ENPP1: variants seen among roughly 807,000 people sequenced by gnomAD.
ENPP1 encodes ectonucleotide pyrophosphatase/phosphodiesterase 1.
Under a neutral mutation model 122.8 loss-of-function variants are expected in ENPP1, and 73 were observed. That is an observed-to-expected ratio of 0.59 (90% CI 0.49 to 0.72). ENPP1 has a LOEUF of 0.72. ENPP1 is among the 30% of genes least tolerant of loss of function. The pLI is 0.00. For synonymous variants in ENPP1, 367 were observed against 391.6 expected, an observed-to-expected ratio of 0.94 and a Z score of 0.74; for missense variants, 978 against 1,128.1, an observed-to-expected ratio of 0.87 and a Z score of 1.91.
intron 11 of ENPP1, among the ~76,000 whole-genome samples, chr6:131,867,596 A>G (rs931520059): frequency 3.9e-5 from 6 of 152,212 alleles, no homozygotes; most frequent in African/African-American, 9.6e-5. Flanking sequence ...GAAGAAATGA[A>G]TTGTGGAAAA....
At position 131,872,220 on chromosome 6, in the gene ENPP1, C is replaced by A. The variant is rs938258010; in HGVS notation, c.1437+119C>A. ...GATTAGAATATTTTAGTAATCTGGG[C>A]CAACATGGAAATGCTGTGTAGTTTA... On this transcript the variant is annotated intron_variant, in intron 14 of 24. Coordinates refer to ENST00000647893, the MANE Select transcript of ENPP1 (RefSeq NM_006208.3). 8.0e-6 allele frequency: 6 copies of A among 746,378 alleles called. No homozygotes were observed. In the African/African-American group the frequency reaches 8.8e-5, roughly 11 times the overall value. 46.2% of individuals were successfully genotyped at this position (746,378 alleles called of 1,614,324 possible).
chr6:131,874,615 A>T (rs1267862270), intron 16 of ENPP1, among the ~76,000 whole-genome samples: 2 of 152,152 alleles, frequency 1.3e-5, no homozygotes, highest in Non-Finnish European at 2.9e-5. Flanking sequence ...TACAACCTCT[A>T]TGGATCACTG....
intron 1 of ENPP1, among the ~76,000 whole-genome samples, chr6:131,834,751 G>A (rs1229756243): frequency 1.3e-5 from 2 of 151,766 alleles, no homozygotes; most frequent in African/African-American, 2.4e-5. Flanking sequence ...AGTAGAGACG[G>A]GGTTTCACCA....
At chr6:131,837,364 A>G (rs1198870871) in intron 1 of ENPP1, among the ~76,000 whole-genome samples, 8 of 151,898 alleles carry the variant, frequency 5.3e-5, no homozygotes, top group Non-Finnish European at 5.9e-5. Context: ...CGTCTCTACT[A>G]AAAATACAAA....
intron 19 of ENPP1, 152 bp downstream of exon 19, chr6:131,878,745 C>G: frequency 4.2e-6 from 3 of 706,810 alleles, no homozygotes; most frequent in East Asian, 5.4e-5. Flanking sequence ...ATAGAGGTTT[C>G]TTTGCTTGAC....
At chr6:131,865,064 C>A (rs1398881577) in intron 11 of ENPP1, 126 bp downstream of exon 11, 1 of 714,722 alleles carries the variant, frequency 1.4e-6, no homozygotes, top group African/African-American at 1.7e-5. Flanking sequence ...GTATTATACA[C>A]AATATTACTA....
rs774378018 is a variant in ENPP1 at position 131,877,164 on chromosome 6, A to G, written c.1893+3A>G. On this transcript the variant is annotated splice_donor_region_variant and intron_variant, in intron 18 of 24. Transcript: ENST00000647893. ...TTGGCTGCTCATGTAACCCTTCGGT[A>G]AGTATCGTCAAGAAGTTTGGTCCAG... 6.2e-7 allele frequency: 1 copy of G among 1,612,946 alleles called. No individual in the cohort carries two copies. Among genetic ancestry groups the G allele is most frequent in the African/African-American group, 1.3e-5 (1 of 75,044 alleles).
intron 1 of ENPP1, among the ~76,000 whole-genome samples, chr6:131,841,290 G>A (rs891363456): frequency 2.0e-5 from 3 of 152,158 alleles, no homozygotes; most frequent in African/African-American, 4.8e-5. Flanking sequence ...ACGAAATCCC[G>A]TGAAGACTCC....
chr6:131,884,990 G>A lies in ENPP1; in HGVS notation c.2371G>A (p.Val791Ile), dbSNP rs754738543. 7 of 1,613,910 alleles carry A rather than the reference G, an allele frequency of 4.3e-6. No homozygotes were observed. The Admixed American group carries it at 6.7e-5, about 15-fold the overall frequency. The part of the protein sequence containing the change: ...LRKYAEERNG[V>I]NVVSGPVFDF... Reference sequence around the variant, plus strand: ...AAAGTATGCTGAAGAAAGAAATGGTGTCAATGTCGTCAGTGGTCCTGTGTT... The same window carrying A: ...AAAGTATGCTGAAGAAAGAAATGGTATCAATGTCGTCAGTGGTCCTGTGTT... Residue 791 changes from valine to isoleucine, a missense_variant, in exon 23 of 25, where the codon GTC becomes ATC. Coordinates refer to ENST00000647893, the MANE Select transcript of ENPP1 (RefSeq NM_006208.3).
In ENPP1 at chr6:131,864,875, T is replaced by C. The variant is rs1416506842; in HGVS notation, c.1101T>C (p.Phe367=). Residue 367 remains phenylalanine (F), a synonymous_variant, in exon 11 of 25, where the codon TTT becomes TTC. Coordinates refer to ENST00000647893, the MANE Select transcript of ENPP1 (RefSeq NM_006208.3). ...ATACTGTTTGATTTAGACCACACTT[T>C]TACACTCTGTATTTAGAAGAACCAG... The part of the protein sequence containing the change: ...LQLPKDERPH[F]YTLYLEEPDS... 1.3e-6 allele frequency: 2 copies of C among 1,598,556 alleles called. No individual in the cohort carries two copies. The highest frequency in any genetic ancestry group is 1.7e-6 in the Non-Finnish European group (2 of 1,166,120).
chr6:131,886,935 T>C (rs1001747885), intron 24 of ENPP1, among the ~76,000 whole-genome samples: 45 of 150,240 alleles, frequency 3.0e-4, no homozygotes, highest in African/African-American at 1.0e-3. Context: ...TCTTTTTTTT[T>C]TTTTTTTTTT....
intron 4 of ENPP1, among the ~76,000 whole-genome samples, chr6:131,851,767 TA>T (rs992177545): frequency 1.3e-5 from 2 of 152,112 alleles, no homozygotes; most frequent in Non-Finnish European, 2.9e-5. Flanking sequence ...GTATTATTAT[TA>T]TTTTTTTTTC....
intron 22 of ENPP1, 61 bp downstream of exon 22, chr6:131,883,835 T>G: frequency 3.6e-6 from 3 of 843,478 alleles, no homozygotes; most frequent in Non-Finnish European, 6.2e-6. Flanking sequence ...ATAGGCATAA[T>G]TCATATGTAA....
chr6:131,875,317 G>A (rs55910745), intron 16 of ENPP1, among the ~76,000 whole-genome samples: 7,506 of 152,120 alleles, frequency 0.049, 291 homozygotes, highest in African/African-American at 0.1. Flanking sequence ...TCTGTTGAGA[G>A]TATTGCTTTA....
At chr6:131,831,120 A>C (rs1468912859) in intron 1 of ENPP1, among the ~76,000 whole-genome samples, 2 of 149,858 alleles carry the variant, frequency 1.3e-5, no homozygotes, top group East Asian at 3.9e-4. Flanking sequence ...CTCTCAAAAA[A>C]AAAAAAAAAA....
intron 1 of ENPP1, among the ~76,000 whole-genome samples, chr6:131,840,213 C>T (rs1002941202): frequency 2.4e-4 from 37 of 152,186 alleles, no homozygotes; most frequent in African/African-American, 8.9e-4. Context: ...GTAGCATGGG[C>T]TGGAAGGCCA....
intron 1 of ENPP1, among the ~76,000 whole-genome samples, chr6:131,830,397 T>A (rs1048725843): frequency 6.6e-6 from 1 of 152,124 alleles, no homozygotes; most frequent in African/African-American, 2.4e-5. Context: ...CGGCTGTCTT[T>A]AGCTGAGACA....
At chr6:131,868,355 TA>T (rs1782115730) in intron 12 of ENPP1, among the ~76,000 whole-genome samples, 1 of 152,204 alleles carries the variant, frequency 6.6e-6, no homozygotes, top group South Asian at 2.1e-4. Flanking sequence ...TTTGAATAGC[TA>T]AAAAATATAT....
intron 1 of ENPP1, among the ~76,000 whole-genome samples, chr6:131,812,965 A>G (rs1189589397): frequency 6.6e-6 from 1 of 151,778 alleles, no homozygotes; most frequent in Non-Finnish European, 1.5e-5. Flanking sequence ...TCAGCCTCCC[A>G]AGTAGCTGGG....
Sources: gnomAD v4.1 joint callset for allele counts (sites outside exome capture counted in the v4.1 genomes callset) on GRCh38, gnomAD v4.1.1 for gene constraint, MANE v1.5 for transcripts, NCBI Gene and HGNC (gene_info 2026-07-23, HGNC 2026-07-21) for gene names.